Variants in TDRD9 observed in about 807,000 individuals in gnomAD.
TDRD9 encodes the protein ATP-dependent RNA helicase TDRD9.
Under a neutral mutation model 172.6 loss-of-function variants are expected in TDRD9, and 124 were observed. That is an observed-to-expected ratio of 0.72 (90% CI 0.62 to 0.83). The LOEUF is 0.83. TDRD9 is among the 40% of genes least tolerant of loss of function. TDRD9 has a pLI of 0.00. For missense variants in TDRD9, 1,479 were observed against 1,714.1 expected, an observed-to-expected ratio of 0.86 and a Z score of 2.42; for synonymous variants, 619 against 617.1, an observed-to-expected ratio of 1.00 and a Z score of -0.05.
At chr14:103,958,331 C>T (rs766142990) in intron 2 of TDRD9, among the ~76,000 whole-genome samples, 6 of 152,002 alleles carry the variant, frequency 3.9e-5, no homozygotes, top group Non-Finnish European at 8.8e-5. Context: ...AGGCCTTGTG[C>T]TGGGAGGAAG....
intron 7 of TDRD9, among the ~76,000 whole-genome samples, chr14:103,978,526 C>T (rs767138680): frequency 2.0e-5 from 3 of 152,152 alleles, no homozygotes; most frequent in South Asian, 2.1e-4. Context: ...GGATCCCGTC[C>T]GGGATGCTAC....
At chr14:104,048,608 TC>T (rs2035849949) in intron 34 of TDRD9, among the ~76,000 whole-genome samples, 1 of 152,110 alleles carries the variant, frequency 6.6e-6, no homozygotes, top group South Asian at 2.1e-4. Context: ...TTTTGATTCT[TC>T]CCTGGCCTCT....
chr14:103,978,097 G>C (rs1316225463), intron 7 of TDRD9, among the ~76,000 whole-genome samples: 33 of 151,996 alleles, frequency 2.2e-4, no homozygotes, highest in Admixed American at 2.2e-3. Context: ...TTTGAAGTTA[G>C]GTAATGTGAT....
At chr14:104,028,742 A>G (rs1449169274) in intron 28 of TDRD9, among the ~76,000 whole-genome samples, 1 of 152,126 alleles carries the variant, frequency 6.6e-6, no homozygotes, top group African/African-American at 2.4e-5. Context: ...CTTGGCCATA[A>G]AATCCTTGCC....
At chr14:103,951,139 AC>A (rs1178187594) in intron 1 of TDRD9, among the ~76,000 whole-genome samples, 1 of 152,202 alleles carries the variant, frequency 6.6e-6, no homozygotes, top group Non-Finnish European at 1.5e-5. Context: ...TAAAAAACCA[AC>A]AAAAAAAATC....
chr14:103,986,045 G>A (rs903544568), intron 7 of TDRD9, among the ~76,000 whole-genome samples, 172 bp from the exon 8 acceptor site: 4 of 152,192 alleles, frequency 2.6e-5, no homozygotes, highest in Non-Finnish European at 5.9e-5. Context: ...GTCCTGAGCA[G>A]TACTTGGCAC....
intron 8 of TDRD9, among the ~76,000 whole-genome samples, chr14:103,988,274 A>G (rs556690178): frequency 6.6e-6 from 1 of 151,908 alleles, no homozygotes; most frequent in South Asian, 2.1e-4. Context: ...CCTGGGTTCA[A>G]GCGATTCTCC....
chr14:104,005,739 A>G (rs1020664645), intron 15 of TDRD9, among the ~76,000 whole-genome samples: 4 of 152,138 alleles, frequency 2.6e-5, no homozygotes, highest in African/African-American at 9.7e-5. Context: ...TAGTGTACAT[A>G]CTGTGCTGGG....
intron 5 of TDRD9, among the ~76,000 whole-genome samples, chr14:103,968,264 T>C (rs2032842076): frequency 6.6e-6 from 1 of 152,248 alleles, no homozygotes; most frequent in Non-Finnish European, 1.5e-5. Flanking sequence ...GGCAGCTTCC[T>C]GCTCTGCCTC....
chr14:104,048,995 G>C (rs2035861708), intron 34 of TDRD9, among the ~76,000 whole-genome samples: 1 of 152,144 alleles, frequency 6.6e-6, no homozygotes, highest in Non-Finnish European at 1.5e-5. Context: ...ATACTCCACT[G>C]TTCTCACCTG....
rs1253877392 is a variant in TDRD9, at chr14:103,970,602, C to A, written c.827C>A (p.Thr276Lys). The A allele has an allele frequency of 3.2e-6, 5 of 1,550,918 alleles. No homozygotes were observed. The South Asian group carries it at 5.9e-5, about 18-fold the overall frequency. ...TTGGTAGTCCGCAAACTCTTAAGAA[C>A]AAATTCACGTTTTGTGAAGGTAAAT... ...LLLVVRKLLR[T>K]NSRFVKVVLM... The change falls in exon 6 of 36, where the codon ACA becomes AAA. Residue 276 changes from threonine (T) to lysine (K), a missense_variant. Thr to Lys is a moderately conservative substitution (Grantham distance 78, BLOSUM62 -1). This residue lies in a region of TDRD9 where 1,413 missense variants were observed against 1,649.1 expected (regional missense o/e 0.86). Coordinates refer to ENST00000409874, the MANE Select transcript of TDRD9 (RefSeq NM_153046.3).
intron 23 of TDRD9, among the ~76,000 whole-genome samples, chr14:104,020,637 G>A (rs982030446): frequency 2.2e-4 from 33 of 152,248 alleles, no homozygotes; most frequent in African/African-American, 7.0e-4. Context: ...CGGAGGAGGC[G>A]GAGCGGGTCA....
chr14:104,032,529 C>G (rs772522899), intron 30 of TDRD9, among the ~76,000 whole-genome samples: 1 of 152,194 alleles, frequency 6.6e-6, no homozygotes, highest in Non-Finnish European at 1.5e-5. Context: ...TCTAACTTCT[C>G]ATTTCTCTCC....
intron 32 of TDRD9, among the ~76,000 whole-genome samples, chr14:104,037,292 T>C (rs2035479997): frequency 6.6e-6 from 1 of 152,120 alleles, no homozygotes; most frequent in South Asian, 2.1e-4. Flanking sequence ...CCCATGCCCG[T>C]TTGCTTCCTT....
intron 34 of TDRD9, among the ~76,000 whole-genome samples, chr14:104,046,163 G>A (rs1276425646): frequency 6.6e-6 from 1 of 152,140 alleles, no homozygotes; most frequent in Non-Finnish European, 1.5e-5. Flanking sequence ...CACCATGTTG[G>A]CCAGAATGAT....
At chr14:104,002,162 A>T (rs1478583159) in intron 13 of TDRD9, among the ~76,000 whole-genome samples, 1 of 151,728 alleles carries the variant, frequency 6.6e-6, no homozygotes, top group Non-Finnish European at 1.5e-5. Context: ...TCTATAAAAA[A>T]TACAAAAATT....
intron 1 of TDRD9, among the ~76,000 whole-genome samples, chr14:103,950,789 C>G (rs1566733330): frequency 6.6e-6 from 1 of 152,136 alleles, no homozygotes; most frequent in Non-Finnish European, 1.5e-5. Context: ...ACGAACAGAG[C>G]CAGGGAAGGC....
rs571854129 is a variant in TDRD9, at chr14:104,042,172, G to A, written c.3959G>A (p.Arg1320His). ...ERVAQLQDIA[R>H]QKLLGLFCQS... Reference sequence around the variant, plus strand: ...GTTGCGCAGCTTCAAGACATTGCCCGTCAGAAGCTTTTAGGGTAAGCTGTG... The same window carrying A: ...GTTGCGCAGCTTCAAGACATTGCCCATCAGAAGCTTTTAGGGTAAGCTGTG... Residue 1320 changes from arginine (R) to histidine (H), a missense_variant, in exon 34 of 36, where the codon CGT becomes CAT. By Grantham distance (29) the Arg-to-His change is conservative. Around this residue, in one of 3 missense-constraint regions of TDRD9, gnomAD observed 1,413 missense variants for 1,649.1 expected, o/e 0.86. Transcript: ENST00000409874. The A allele has an allele frequency of 5.0e-6, 8 of 1,611,490 alleles. No homozygotes were observed. Among genetic ancestry groups the A allele is most frequent in the African/African-American group, 1.3e-5 (1 of 74,886 alleles).
chr14:103,964,048 C>T (rs2032627824), intron 3 of TDRD9, among the ~76,000 whole-genome samples: 1 of 152,066 alleles, frequency 6.6e-6, no homozygotes, highest in Non-Finnish European at 1.5e-5. Flanking sequence ...TCCAGACCAG[C>T]CTGGGCAACA....
Sources: gnomAD v4.1 joint callset for allele counts (sites outside exome capture counted in the v4.1 genomes callset) on GRCh38, gnomAD v4.1.1 for gene constraint, gnomAD v4.1.1 regional missense constraint, MANE v1.5 for transcripts, NCBI Gene and HGNC (gene_info 2026-07-23, HGNC 2026-07-21) for gene names.